TOP2A: variants seen among roughly 807,000 people sequenced by gnomAD.
TOP2A encodes the protein DNA topoisomerase II alpha.
A neutral mutation model predicts 187.2 loss-of-function variants in TOP2A; 68 were observed. That is an observed-to-expected ratio of 0.36 (90% CI 0.30 to 0.44). The LOEUF is 0.44. Ranked by LOEUF, TOP2A falls within the 20% of genes least tolerant of loss-of-function variation. The probability of loss-of-function intolerance (pLI) is 1.00; values close to 1 mark genes in which losing one functional copy is unlikely to be tolerated. For synonymous variants in TOP2A, 542 were observed against 593.2 expected (o/e 0.91, Z 1.25); for missense variants, 1,196 against 1,808.7 (o/e 0.66, Z 6.14).
intron 27 of TOP2A, among the ~76,000 whole-genome samples, chr17:40,398,267 C>CT: frequency 6.6e-6 from 1 of 151,770 alleles, no homozygotes; most frequent in East Asian, 1.9e-4. Context: ...TCATGCCTGG[C>CT]TAATTTTTGT....
chr17:40,405,776 T>C (rs1259465813), intron 16 of TOP2A, among the ~76,000 whole-genome samples: 1 of 141,626 alleles, frequency 7.1e-6, no homozygotes, highest in Non-Finnish European at 1.6e-5. Flanking sequence ...GCCTTTTTCC[T>C]TTTTTTTTGA....
rs549021641 is a variant in TOP2A at position 40,406,146 on chromosome 17, C to G, written c.1953+238G>C. Among the ~76,000 whole-genome samples, 44 of 152,282 alleles carry G rather than the reference C, an allele frequency of 2.9e-4. No homozygotes were observed. In the South Asian group the frequency reaches 5.4e-3, roughly 19 times the overall value. On this transcript the variant is annotated intron_variant, in intron 16 of 34. Coordinates refer to ENST00000423485, the MANE Select transcript of TOP2A (RefSeq NM_001067.4). ...CAACTCTTGATCTCAGGTGATCCAC[C>G]TGCCTTGGCCTCCCAAAGTCCTAGA...
Position 40,398,651 on chromosome 17 carries a change from A to T in TOP2A, c.3454-10T>A. 1.2e-6 allele frequency: 2 copies of T among 1,600,014 alleles called. No homozygotes were observed. Among genetic ancestry groups the T allele is most frequent in the Non-Finnish European group, 1.7e-6 (2 of 1,173,920 alleles). On this transcript the variant is annotated splice_polypyrimidine_tract_variant and intron_variant, in intron 26 of 34. Coordinates refer to ENST00000423485, the MANE Select transcript of TOP2A (RefSeq NM_001067.4). Reference sequence around the variant, plus strand: ...TGTCCAGCTCTTGTTCCTTCATAAGATAATTACAAAATTGAGTTAATATAT... The same window carrying T: ...TGTCCAGCTCTTGTTCCTTCATAAGTTAATTACAAAATTGAGTTAATATAT...
chr17:40,416,681 G>T, intron 2 of TOP2A, 59 bp downstream of exon 2: 1 of 1,569,842 alleles, frequency 6.4e-7, no homozygotes, highest in South Asian at 1.2e-5. Flanking sequence ...GAAAGGTACA[G>T]AAAGAAGAGT....
intron 3 of TOP2A, among the ~76,000 whole-genome samples, 157 bp from the exon 4 acceptor site, chr17:40,416,225 C>T (rs16965774): frequency 2.0e-5 from 3 of 152,144 alleles, no homozygotes; most frequent in African/African-American, 7.2e-5. Flanking sequence ...ACTGTTTCTA[C>T]GAGAAGCTCA....
chr17:40,399,910 C>A lies in TOP2A; in HGVS notation c.3158G>T (p.Arg1053Leu), dbSNP rs776759121. The change falls in exon 24 of 35, where the codon CGC becomes CTC. Residue 1053 changes from arginine (R) to leucine (L), a missense_variant. By Grantham distance (102) the Arg-to-Leu change is moderately radical (BLOSUM62 -2). Around this residue, in one of 10 missense-constraint regions of TOP2A, gnomAD observed 232 missense variants for 306.1 expected, o/e 0.76. Transcript: ENST00000423485. ...GCCATCTATTTTCTCTAAGATAAAGCGAGCCTGATTATTCAGTTTAGCAGA... is the reference window on the plus strand; with the variant it reads ...GCCATCTATTTTCTCTAAGATAAAGAGAGCCTGATTATTCAGTTTAGCAGA... ...AESAKLNNQARFILEKIDGKI... is the reference protein window; with the variant it reads ...AESAKLNNQALFILEKIDGKI... 1 of 1,608,686 alleles carries A rather than the reference C, an allele frequency of 6.2e-7. No homozygotes were observed. Among genetic ancestry groups the A allele is most frequent in the East Asian group, 2.2e-5 (1 of 44,786 alleles).
intron 4 of TOP2A, among the ~76,000 whole-genome samples, chr17:40,414,606 C>A (rs1215500486): frequency 6.6e-6 from 1 of 152,080 alleles, no homozygotes; most frequent in Non-Finnish European, 1.5e-5. Flanking sequence ...GCAATCCCAG[C>A]ACTTTGGGAG....
intron 21 of TOP2A, 70 bp from the exon 22 acceptor site, chr17:40,400,733 A>G (rs1317145456): frequency 6.5e-7 from 1 of 1,541,870 alleles, no homozygotes; most frequent in East Asian, 2.3e-5. Flanking sequence ...AACAGCGTTT[A>G]ACAATAAATC....
At chr17:40,413,358 C>A in intron 5 of TOP2A, 66 bp from the exon 6 acceptor site, 2 of 1,434,258 alleles carry the variant, frequency 1.4e-6, no homozygotes, top group Non-Finnish European at 1.9e-6. Flanking sequence ...ATTTCTTAAT[C>A]ACTGGCAGAG....
In TOP2A at chr17:40,399,890, C is replaced by T. The variant is rs749079578; in HGVS notation, c.3178G>A (p.Asp1060Asn). ...NQARFILEKI[D>N]GKIIIENKPK... ...AACATACCAATGATTATTTTGCCAT[C>T]TATTTTCTCTAAGATAAAGCGAGCC... Residue 1060 changes from aspartate (D) to asparagine (N), a missense_variant, in exon 24 of 35, where the codon GAT becomes AAT. Around this residue, in one of 10 missense-constraint regions of TOP2A, gnomAD observed 232 missense variants for 306.1 expected, o/e 0.76. Coordinates refer to ENST00000423485, the MANE Select transcript of TOP2A (RefSeq NM_001067.4). 4.3e-5 allele frequency: 69 copies of T among 1,597,846 alleles called. 1 individual carries two copies. The highest frequency in any genetic ancestry group is 5.7e-5 in the Non-Finnish European group (67 of 1,175,270).
At position 40,411,459 on chromosome 17, in the gene TOP2A, A is replaced by G. The variant is rs758866967; in HGVS notation, c.964-4T>C. On this transcript the variant is annotated splice_region_variant and splice_polypyrimidine_tract_variant and intron_variant, in intron 8 of 34. Transcript: ENST00000423485. The surrounding 1 kb of genome is among the most constrained non-coding windows in gnomAD (Gnocchi z 4.4). ...CATAATCAACATGTCTGCCACCCTA[A>G]TAAGGAAAAATACCAAACTGTAAAA... 3 of 1,611,970 alleles carry G rather than the reference A, an allele frequency of 1.9e-6. No individual in the cohort carries two copies. The highest frequency in any genetic ancestry group is 2.5e-6 in the Non-Finnish European group (3 of 1,178,088).
At chr17:40,417,133 T>A (rs2035400288) in intron 1 of TOP2A, among the ~76,000 whole-genome samples, 1 of 152,186 alleles carries the variant, frequency 6.6e-6, no homozygotes, top group South Asian at 2.1e-4. Flanking sequence ...TCTGGAAACC[T>A]CTTTTCTTGA....
At chr17:40,395,783 G>C (rs533375373) in intron 28 of TOP2A, among the ~76,000 whole-genome samples, 70 of 152,040 alleles carry the variant, frequency 4.6e-4, no homozygotes, top group African/African-American at 1.5e-3. Flanking sequence ...AACTACTTGG[G>C]AGGCTGAGGC....
intron 20 of TOP2A, 87 bp from the exon 21 acceptor site, chr17:40,401,168 A>C (rs1215127075): frequency 1.7e-6 from 2 of 1,162,140 alleles, no homozygotes; most frequent in Non-Finnish European, 2.4e-6. Context: ...ATTATACATG[A>C]AAATTATCTT....
At chr17:40,392,038 A>G (rs936222693) in intron 32 of TOP2A, 30 bp downstream of exon 32, 2 of 1,604,364 alleles carry the variant, frequency 1.2e-6, no homozygotes, top group Non-Finnish European at 1.7e-6. Flanking sequence ...AGTAAGGCAG[A>G]TGTCTCACTA....
chr17:40,404,959 C>G (rs747414736), intron 16 of TOP2A, 76 bp from the exon 17 acceptor site: 2 of 863,264 alleles, frequency 2.3e-6, no homozygotes, highest in East Asian at 2.8e-5. Flanking sequence ...CTACAAAGAA[C>G]GAACAACAGA....
intron 27 of TOP2A, among the ~76,000 whole-genome samples, chr17:40,397,315 T>C (rs2143638220): frequency 6.6e-6 from 1 of 151,308 alleles, no homozygotes; most frequent in Non-Finnish European, 1.5e-5. Flanking sequence ...AGATGGAGTC[T>C]TGCTCTGTCA....
chr17:40,414,259 A>G (rs2035362190), intron 4 of TOP2A, among the ~76,000 whole-genome samples: 1 of 152,192 alleles, frequency 6.6e-6, no homozygotes, highest in Non-Finnish European at 1.5e-5. Flanking sequence ...GTGTAATGGC[A>G]GGATCACAGC....
At chr17:40,409,545 G>C in intron 10 of TOP2A, 1 of 417,846 alleles carries the variant, frequency 2.4e-6, no homozygotes, top group South Asian at 1.7e-5. Context: ...GATCAAGTGA[G>C]GCCAGGAGTT....
Sources: gnomAD v4.1 joint callset for allele counts (sites outside exome capture counted in the v4.1 genomes callset) on GRCh38, gnomAD v4.1.1 for gene constraint, gnomAD v4.1.1 regional missense constraint, Gnocchi (gnomAD v3.1) non-coding constraint, MANE v1.5 for transcripts, NCBI Gene and HGNC (gene_info 2026-07-23, HGNC 2026-07-21) for gene names.